Variants in ATG10 observed in about 807,000 individuals in gnomAD.
The protein encoded by ATG10 is ubiquitin-like-conjugating enzyme ATG10.
In ATG10, 30 loss-of-function variants were observed where a neutral mutation model predicts 32.1. The observed-to-expected ratio is 0.94, with a 90% CI of 0.70 to 1.27. ATG10 has a LOEUF of 1.27. Ranked by LOEUF, ATG10 falls within the 50% of genes most tolerant of loss-of-function variation. The probability of loss-of-function intolerance (pLI) is 0.00; values close to 1 mark genes in which losing one functional copy is unlikely to be tolerated. For missense variants in ATG10, 233 were observed against 262.3 expected (o/e 0.89, Z 0.77); for synonymous variants, 87 against 91.5 (o/e 0.95, Z 0.28).
chr5:82,227,234 A>C (rs1746167920), intron 5 of ATG10, among the ~76,000 whole-genome samples: 1 of 152,088 alleles, frequency 6.6e-6, no homozygotes, highest in Non-Finnish European at 1.5e-5. Flanking sequence ...TACAAAAGAA[A>C]GACATCTGAC....
At chr5:82,110,164 G>A (rs888853467) in intron 3 of ATG10, among the ~76,000 whole-genome samples, 34 of 152,026 alleles carry the variant, frequency 2.2e-4, no homozygotes, top group African/African-American at 7.5e-4. Context: ...ATTCCATGGT[G>A]TATATGTGCC....
chr5:82,213,721 A>G (rs1003345359), intron 5 of ATG10, among the ~76,000 whole-genome samples: 1 of 152,178 alleles, frequency 6.6e-6, no homozygotes, highest in Non-Finnish European at 1.5e-5. Context: ...ACTAGAATGT[A>G]GGGTGTCTAA....
At chr5:82,138,908 AGCTGGACTGTACT>A (rs1435101750) in intron 3 of ATG10, among the ~76,000 whole-genome samples, 4 of 115,324 alleles carry the variant, frequency 3.5e-5, no homozygotes, top group Non-Finnish European at 6.7e-5. Flanking sequence ...GCGGAGCCGA[AGCTGGACTGTACT>A]GCTGCCATCT....
At chr5:82,210,126 A>C (rs1394883404) in intron 5 of ATG10, among the ~76,000 whole-genome samples, 3 of 152,040 alleles carry the variant, frequency 2.0e-5, no homozygotes, top group African/African-American at 7.2e-5. Context: ...GATTATGTGC[A>C]TTGTTTCTAT....
intron 3 of ATG10, among the ~76,000 whole-genome samples, chr5:82,151,822 A>G (rs1191169479): frequency 6.8e-6 from 1 of 147,298 alleles, no homozygotes; most frequent in African/African-American, 2.5e-5. Flanking sequence ...ACTCATTGAA[A>G]GGCATCCAGA....
At chr5:82,247,678 C>G (rs1747089556) in intron 5 of ATG10, among the ~76,000 whole-genome samples, 1 of 152,152 alleles carries the variant, frequency 6.6e-6, no homozygotes, top group African/African-American at 2.4e-5. Context: ...CTGGTATGAA[C>G]CACACTTTTT....
chr5:82,042,388 C>T (rs1235962477), intron 2 of ATG10, among the ~76,000 whole-genome samples: 2 of 152,164 alleles, frequency 1.3e-5, no homozygotes, highest in Non-Finnish European at 2.9e-5. Flanking sequence ...CCAGGCCCCT[C>T]CTACAATTCG....
intron 1 of ATG10, among the ~76,000 whole-genome samples, chr5:81,985,325 A>T (rs1761228359): frequency 6.6e-6 from 1 of 152,208 alleles, no homozygotes; most frequent in South Asian, 2.1e-4. Context: ...TGGCTACACC[A>T]TATTAGTCTT....
chr5:82,219,786 C>T (rs1365901915), intron 5 of ATG10, among the ~76,000 whole-genome samples: 1 of 152,210 alleles, frequency 6.6e-6, no homozygotes, highest in African/African-American at 2.4e-5. Flanking sequence ...GCTTTAATTA[C>T]TTATGGACTT....
intron 2 of ATG10, among the ~76,000 whole-genome samples, chr5:81,999,506 A>G (rs569661754): frequency 4.6e-5 from 7 of 152,288 alleles, no homozygotes; most frequent in South Asian, 2.1e-4. Flanking sequence ...CCCCAAAGCT[A>G]GCAGAAGATA....
At chr5:82,003,672 C>G (rs1029519986) in intron 2 of ATG10, among the ~76,000 whole-genome samples, 2 of 152,116 alleles carry the variant, frequency 1.3e-5, no homozygotes, top group African/African-American at 4.8e-5. Context: ...CCAATCCAAC[C>G]CATTGAACAT....
At chr5:82,250,547 G>A (rs1253576040) in intron 5 of ATG10, among the ~76,000 whole-genome samples, 3 of 152,082 alleles carry the variant, frequency 2.0e-5, no homozygotes, top group African/African-American at 7.2e-5. Context: ...AACCCTAAGA[G>A]GGATACACAC....
intron 3 of ATG10, among the ~76,000 whole-genome samples, chr5:82,065,043 C>A (rs1425132974): frequency 1.3e-5 from 2 of 152,078 alleles, no homozygotes. Context: ...AAAAGTTAGT[C>A]ATATTAATTA....
At position 82,174,510 on chromosome 5, in the gene ATG10, C is replaced by T. The variant is rs77295166; in HGVS notation, c.356-3980C>T. On this transcript the variant is annotated intron_variant, in intron 4 of 7. Transcript: ENST00000282185. ...ACTTATTAAAGGTGAATTTGTTTGGCGACAACAAAATCATTTGGAAGCAAA... is the reference window on the plus strand; with the variant it reads ...ACTTATTAAAGGTGAATTTGTTTGGTGACAACAAAATCATTTGGAAGCAAA... Among the ~76,000 whole-genome samples, 52 of 152,090 alleles carry T rather than the reference C, an allele frequency of 3.4e-4. No individual in the cohort carries two copies. In the East Asian group the frequency reaches 8.5e-3, roughly 25 times the overall value.
chr5:82,083,839 A>C (rs1025228941), intron 3 of ATG10, among the ~76,000 whole-genome samples: 1 of 152,248 alleles, frequency 6.6e-6, no homozygotes, highest in African/African-American at 2.4e-5. Flanking sequence ...CCATCATCAA[A>C]GACCAAAGGT....
intron 5 of ATG10, among the ~76,000 whole-genome samples, chr5:82,236,894 T>C (rs1157202821): frequency 6.6e-6 from 1 of 152,184 alleles, no homozygotes; most frequent in Non-Finnish European, 1.5e-5. Context: ...TTGGTTTCTT[T>C]CCCACATATT....
intron 5 of ATG10, among the ~76,000 whole-genome samples, chr5:82,195,689 C>T (rs1408969616): frequency 6.6e-6 from 1 of 152,118 alleles, no homozygotes; most frequent in African/African-American, 2.4e-5. Context: ...AAGGTTCACC[C>T]ATGTTGTAAC....
rs140500958 is a variant in ATG10 at position 82,038,057 on chromosome 5, G to A, written c.109-20438G>A. 7.9e-5 allele frequency among the ~76,000 whole-genome samples: 12 copies of A among 152,300 alleles called. No homozygotes were observed. The East Asian group carries it at 2.3e-3, about 29-fold the overall frequency. On this transcript the variant is annotated intron_variant, in intron 2 of 7. Transcript: ENST00000282185. ...GGCTAACCTAAGTAACAACAGTGATGTATTTTCAAGATAAAGATTGTCTTA... is the reference window on the plus strand; with the variant it reads ...GGCTAACCTAAGTAACAACAGTGATATATTTTCAAGATAAAGATTGTCTTA...
chr5:82,103,173 A>T (rs1765335504), intron 3 of ATG10, among the ~76,000 whole-genome samples: 1 of 152,198 alleles, frequency 6.6e-6, no homozygotes, highest in Non-Finnish European at 1.5e-5. Flanking sequence ...GACAGGGACA[A>T]TAATACCTAT....
Sources: allele counts gnomAD v4.1 joint callset (sites outside exome capture counted in the v4.1 genomes callset), GRCh38; gene constraint gnomAD v4.1.1; transcripts MANE v1.5; gene names NCBI Gene and HGNC (gene_info 2026-07-23, HGNC 2026-07-21).